USH2A: variants seen among roughly 807,000 people sequenced by gnomAD.
USH2A encodes Usher syndrome 2A (autosomal recessive, mild).
A neutral mutation model predicts 538.9 loss-of-function variants in USH2A; 443 were observed. That is an observed-to-expected ratio of 0.82 (90% CI 0.76 to 0.89). The LOEUF is 0.89. Among genes scored for constraint, USH2A ranks in the 40% least tolerant of loss-of-function variants. The pLI, the probability that USH2A is intolerant of heterozygous loss-of-function variation, is 0.00. For missense variants in USH2A, 6,633 were observed against 6,324.8 expected, an observed-to-expected ratio of 1.05 and a Z score of -1.65; for synonymous variants, 2,413 against 2,273.5, an observed-to-expected ratio of 1.06 and a Z score of -1.75.
intron 32 of USH2A, among the ~76,000 whole-genome samples, chr1:216,001,785 A>C (rs1668270294): frequency 6.6e-6 from 1 of 152,150 alleles, no homozygotes; most frequent in Non-Finnish European, 1.5e-5. Flanking sequence ...GAACACTTTG[A>C]TTTTCATGCA....
At chr1:215,934,942 T>C (rs1005643237) in intron 37 of USH2A, 147 bp from the exon 38 acceptor site, 9 of 715,340 alleles carry the variant, frequency 1.3e-5, no homozygotes, top group Non-Finnish European at 2.0e-5. Flanking sequence ...TGTGCTTCTA[T>C]CAATGCACAT....
At position 216,089,005 on chromosome 1, in the gene USH2A, G is replaced by A. The variant is rs750892911; in HGVS notation, c.4885+8C>T. Reference sequence around the variant, plus strand: ...CAGGGCTATTTATACATATCAAAAAGTACTTACCTGTATATATCCCATCCA... The same window carrying A: ...CAGGGCTATTTATACATATCAAAAAATACTTACCTGTATATATCCCATCCA... On this transcript the variant is annotated splice_region_variant and intron_variant, in intron 23 of 71. Coordinates refer to ENST00000307340, the MANE Select transcript of USH2A (RefSeq NM_206933.4). The A allele has an allele frequency of 1.2e-6, 2 of 1,612,970 alleles. No individual in the cohort carries two copies. Among genetic ancestry groups the A allele is most frequent in the Admixed American group, 3.3e-5 (2 of 59,960 alleles).
At position 216,247,210 on chromosome 1, in the gene USH2A, A is replaced by G. The variant is rs745314118; in HGVS notation, c.2184T>C (p.His728=). Residue 728 remains histidine (H), a synonymous_variant, in exon 13 of 72, where the codon CAT becomes CAC. Coordinates refer to ENST00000307340, the MANE Select transcript of USH2A (RefSeq NM_206933.4). ...GGAGAAATTTAAATCCAAAATTGCAATGATCACACCTAAGCCCTAAAGATA... is the reference window on the plus strand; with the variant it reads ...GGAGAAATTTAAATCCAAAATTGCAGTGATCACACCTAAGCCCTAAAGATA... ...KANVIGLRCD[H]CNFGFKFLRS... is the part of the protein sequence containing the mutation. 44 of 1,613,900 alleles carry G rather than the reference A, an allele frequency of 2.7e-5. No homozygotes were observed. The highest frequency in any genetic ancestry group is 4.0e-5 in the African/African-American group (3 of 74,936).
chr1:215,722,558 A>T lies in USH2A; in HGVS notation c.12066+5472T>A, dbSNP rs200921812. Among the ~76,000 whole-genome samples, 199 of 152,298 alleles carry T rather than the reference A, an allele frequency of 1.3e-3. 4 individuals carry two copies. Among genetic ancestry groups the T allele is most frequent in the Admixed American group, 9.6e-3 (147 of 15,296 alleles). On this transcript the variant is annotated intron_variant, in intron 61 of 71. Coordinates refer to ENST00000307340, the MANE Select transcript of USH2A (RefSeq NM_206933.4). ...TTGCCACATATCTACTTAATGGTAA[A>T]GATATAGGAAACAAACCCTTGAGGA... is the stretch of plus-strand genomic sequence containing the variant.
chr1:216,283,191 A>T (rs143601980), intron 11 of USH2A, among the ~76,000 whole-genome samples: 1,626 of 152,180 alleles, frequency 0.011, 31 homozygotes, highest in African/African-American at 0.037. Context: ...GGTTCACACC[A>T]TTCTCCCACC....
intron 58 of USH2A, among the ~76,000 whole-genome samples, chr1:215,756,370 G>A (rs1660793386): frequency 6.6e-6 from 1 of 152,188 alleles, no homozygotes; most frequent in African/African-American, 2.4e-5. Context: ...CAACTGATAT[G>A]TTAAATAATG....
At chr1:216,045,870 AT>A (rs1327939240) in intron 32 of USH2A, among the ~76,000 whole-genome samples, 2 of 152,074 alleles carry the variant, frequency 1.3e-5, no homozygotes, top group African/African-American at 4.8e-5. Context: ...ACTTTTCCAT[AT>A]TTTTTTAGCT....
intron 4 of USH2A, among the ~76,000 whole-genome samples, chr1:216,355,367 GAAAGAAA>G (rs2038372054): frequency 7.5e-6 from 1 of 133,800 alleles, no homozygotes; most frequent in South Asian, 2.4e-4. Context: ...AAGAAAGAAA[GAAAGAAA>G]GAAGGAAAGA....
intron 32 of USH2A, among the ~76,000 whole-genome samples, chr1:216,028,954 A>T (rs1669030740): frequency 1.3e-5 from 2 of 152,146 alleles, no homozygotes; most frequent in South Asian, 4.1e-4. Flanking sequence ...CTTTAAATGC[A>T]TAAGCCAAAA....
At chr1:216,187,810 C>G (rs1003824804) in intron 20 of USH2A, among the ~76,000 whole-genome samples, 2 of 151,820 alleles carry the variant, frequency 1.3e-5, no homozygotes, top group African/African-American at 4.8e-5. Context: ...CTCATCAGAA[C>G]CCTACAAATA....
intron 30 of USH2A, among the ~76,000 whole-genome samples, chr1:216,057,483 C>T (rs547842006): frequency 9.7e-4 from 147 of 151,948 alleles, no homozygotes; most frequent in Non-Finnish European, 1.8e-3. Context: ...TAGTGAAATC[C>T]CATCTCTACT....
In USH2A at chr1:215,656,902, T is replaced by C. The variant is rs181542330; in HGVS notation, c.14134-6101A>G. ...TCAGAAATAAACAAAAAATCTAGCA[T>C]GAACAGCTATGCCAGTAATTAATAA... On this transcript the variant is annotated intron_variant, in intron 64 of 71. Transcript: ENST00000307340. Among the ~76,000 whole-genome samples, 310 of 152,336 alleles carry C rather than the reference T, an allele frequency of 2.0e-3. 2 individuals are homozygous for C. Among genetic ancestry groups the C allele is most frequent in the Non-Finnish European group, 3.3e-3 (227 of 68,024 alleles).
intron 32 of USH2A, among the ~76,000 whole-genome samples, chr1:216,002,120 G>A (rs528545414): frequency 6.6e-6 from 1 of 152,152 alleles, no homozygotes; most frequent in African/African-American, 2.4e-5. Flanking sequence ...AGACATAACT[G>A]GGGTGCCTTC....
chr1:216,144,866 C>T (rs1367286459), intron 21 of USH2A, among the ~76,000 whole-genome samples: 1 of 152,142 alleles, frequency 6.6e-6, no homozygotes, highest in Non-Finnish European at 1.5e-5. Context: ...AGGTCTTCAA[C>T]TTCCATTCAT....
Position 216,084,200 on chromosome 1 carries a change from C to T in USH2A, c.5167+498G>A, listed in dbSNP as rs181379891. On this transcript the variant is annotated intron_variant, in intron 25 of 71. Coordinates refer to ENST00000307340, the MANE Select transcript of USH2A (RefSeq NM_206933.4). ...ACTTACACCTCCCCTTTCATTGTAG[C>T]CTTTTGAGCAATGGCAGGGATGGTG... 2.0e-5 allele frequency among the ~76,000 whole-genome samples: 3 copies of T among 152,030 alleles called. No homozygotes were observed. The East Asian group carries it at 5.8e-4, about 30-fold the overall frequency.
At chr1:215,990,535 G>A (rs1267251027) in intron 35 of USH2A, among the ~76,000 whole-genome samples, 1 of 152,166 alleles carries the variant, frequency 6.6e-6, no homozygotes, top group African/African-American at 2.4e-5. Context: ...TGGTGGGAGT[G>A]TTTGACATAT....
intron 55 of USH2A, among the ~76,000 whole-genome samples, chr1:215,778,100 G>A (rs927808050): frequency 3.4e-5 from 5 of 148,494 alleles, no homozygotes; most frequent in Admixed American, 6.7e-5. Flanking sequence ...TGCCCAGGCT[G>A]GAGTGCACTG....
chr1:215,632,777 A>T (rs1346853880), intron 70 of USH2A, among the ~76,000 whole-genome samples: 1 of 152,174 alleles, frequency 6.6e-6, no homozygotes, highest in Non-Finnish European at 1.5e-5. Flanking sequence ...TTCTAGGAAC[A>T]TGGGCTCCTT....
intron 9 of USH2A, among the ~76,000 whole-genome samples, chr1:216,303,196 A>T (rs1279288897): frequency 6.6e-6 from 1 of 152,000 alleles, no homozygotes; most frequent in East Asian, 1.9e-4. Flanking sequence ...AGTTTATTCA[A>T]GATTGTAGAT....
Sources: gnomAD v4.1 joint callset for allele counts (sites outside exome capture counted in the v4.1 genomes callset) on GRCh38, gnomAD v4.1.1 for gene constraint, MANE v1.5 for transcripts, NCBI Gene and HGNC (gene_info 2026-07-23, HGNC 2026-07-21) for gene names.